The following DCAF13 variants were observed in gnomAD, a reference collection of about 807,000 sequenced individuals.
DCAF13 encodes the protein DDB1- and CUL4-associated factor 13.
Under a neutral mutation model 59.0 loss-of-function variants are expected in DCAF13, and 38 were observed. That is an observed-to-expected ratio of 0.64 (90% confidence interval 0.50 to 0.84). The LOEUF is 0.84. Ranked by LOEUF, DCAF13 falls within the 40% of genes least tolerant of loss-of-function variation. DCAF13 has a pLI of 0.00. For synonymous variants in DCAF13, 173 were observed against 175.0 expected (o/e 0.99, Z 0.09); for missense variants, 469 against 558.4 (o/e 0.84, Z 1.61).
chr8:103,436,954 C>T (rs989008246), intron 8 of DCAF13, among the ~76,000 whole-genome samples: 2 of 152,118 alleles, frequency 1.3e-5, no homozygotes, highest in East Asian at 3.8e-4. Context: ...TTTGAGGAAG[C>T]CATATGGATT....
rs17230038 is a variant in DCAF13 at position 103,442,253 on chromosome 8, A to G, written c.1251-542A>G. ...AAAATGTTTTAAAAAATAATTTCTG[A>G]TGTAGCTGGAATTAAGAGATTTTGT... On this transcript the variant is annotated intron_variant, in intron 10 of 10. Coordinates refer to ENST00000612750, the MANE Select transcript of DCAF13 (RefSeq NM_015420.7). 9.7e-3 allele frequency: 1,485 copies of G among 152,390 alleles called. 8 individuals are homozygous for G. Among genetic ancestry groups the G allele is most frequent in the Middle Eastern group, 0.017 (5 of 294 alleles). 9.4% of individuals were successfully genotyped at this position (152,390 alleles called of 1,614,324 possible).
In DCAF13 at chr8:103,437,922, A is replaced by G. The variant is rs566714938; in HGVS notation, c.950+2132A>G. ...GTGTTCACATGGAAAAATTAGTGTG[A>G]CTGTGTATATAAAGAATTTAAGCCT... On this transcript the variant is annotated intron_variant, in intron 8 of 10. Transcript: ENST00000612750. 1.6e-3 allele frequency among the ~76,000 whole-genome samples: 239 copies of G among 152,272 alleles called. 3 individuals are homozygous for G. The highest frequency in any genetic ancestry group is 5.3e-3 in the African/African-American group (219 of 41,560).
intron 1 of DCAF13, among the ~76,000 whole-genome samples, chr8:103,417,049 G>C (rs1291366814): frequency 6.6e-6 from 1 of 152,106 alleles, no homozygotes; most frequent in African/African-American, 2.4e-5. Context: ...TTATCATTTT[G>C]GGTATGCTTT....
intron 1 of DCAF13, 40 bp from the exon 2 acceptor site, chr8:103,420,224 A>G: frequency 1.3e-6 from 2 of 1,573,062 alleles, no homozygotes; most frequent in Non-Finnish European, 1.7e-6. Flanking sequence ...TGCAGGAAAT[A>G]TTAAGTGTGA....
chr8:103,439,076 C>T (rs1283922116), intron 8 of DCAF13, among the ~76,000 whole-genome samples: 4 of 152,040 alleles, frequency 2.6e-5, no homozygotes, highest in African/African-American at 4.8e-5. Context: ...AGCACGATCT[C>T]GGCTCACTGC....
intron 3 of DCAF13, among the ~76,000 whole-genome samples, chr8:103,422,565 A>G (rs779011580): frequency 1.3e-5 from 2 of 152,206 alleles, no homozygotes; most frequent in Non-Finnish European, 2.9e-5. Flanking sequence ...GAATAATGAA[A>G]AATGAAGACT....
chr8:103,419,262 G>T (rs570102401), intron 1 of DCAF13, among the ~76,000 whole-genome samples: 1 of 152,068 alleles, frequency 6.6e-6, no homozygotes, highest in Non-Finnish European at 1.5e-5. Flanking sequence ...GAGCCATACT[G>T]CCTTGGTTTG....
chr8:103,423,329 A>T (rs879553645), intron 3 of DCAF13, among the ~76,000 whole-genome samples: 42 of 151,132 alleles, frequency 2.8e-4, no homozygotes, highest in Non-Finnish European at 3.0e-4. Flanking sequence ...ATGAATTTTA[A>T]AAAAAAAAGT....
rs554237834 is a variant in DCAF13 at position 103,418,001 on chromosome 8, G to C, written c.71-2263G>C. On this transcript the variant is annotated intron_variant, in intron 1 of 10. Coordinates refer to ENST00000612750, the MANE Select transcript of DCAF13 (RefSeq NM_015420.7). ...AAATTAGCCGGGCATGGTGGCGGGT[G>C]CCTGTAGTCCCAGCTACTCGGGAGG... Among the ~76,000 whole-genome samples, 3 of 152,000 alleles carry C rather than the reference G, an allele frequency of 2.0e-5. No homozygotes were observed. In the East Asian group the frequency reaches 5.8e-4, roughly 30 times the overall value.
At chr8:103,423,705 A>G (rs1816752917) in intron 3 of DCAF13, among the ~76,000 whole-genome samples, 1 of 152,252 alleles carries the variant, frequency 6.6e-6, no homozygotes, top group African/African-American at 2.4e-5. Flanking sequence ...GTGAGGTAAC[A>G]GATATGTTAA....
intron 6 of DCAF13, 117 bp downstream of exon 6, chr8:103,430,806 A>G (rs879397951): frequency 3.0e-5 from 20 of 667,144 alleles, no homozygotes; most frequent in Non-Finnish European, 3.9e-5. Flanking sequence ...TCTTTTATAC[A>G]GGTGTTCTTA....
intron 8 of DCAF13, 80 bp downstream of exon 8, chr8:103,435,870 C>T (rs1009982578): frequency 1.8e-5 from 25 of 1,406,498 alleles, no homozygotes; most frequent in African/African-American, 1.7e-4. Flanking sequence ...AGTCATTGGG[C>T]GATTTCATCA....
At chr8:103,418,970 A>G (rs3134251) in intron 1 of DCAF13, among the ~76,000 whole-genome samples, 32,438 of 135,684 alleles carry the variant, frequency 0.24, 3,821 homozygotes, top group East Asian at 0.37. Flanking sequence ...TGCAACCTCC[A>G]CCTCCCAGGT....
chr8:103,420,531 T>G (rs1355834251), intron 2 of DCAF13, 68 bp downstream of exon 2: 1 of 1,486,622 alleles, frequency 6.7e-7, no homozygotes, highest in African/African-American at 1.4e-5. Flanking sequence ...CCCTTTAGTT[T>G]TTAGTTACTG....
At chr8:103,441,781 C>CAT in intron 10 of DCAF13, 163 bp downstream of exon 10, 1 of 511,092 alleles carries the variant, frequency 2.0e-6, no homozygotes, top group Non-Finnish European at 3.2e-6. Flanking sequence ...TTTCTTTTTT[C>CAT]TTTTTTTTTT....
At chr8:103,418,155 G>A (rs1816652510) in intron 1 of DCAF13, among the ~76,000 whole-genome samples, 1 of 151,834 alleles carries the variant, frequency 6.6e-6, no homozygotes, top group African/African-American at 2.4e-5. Context: ...AAAGACATCT[G>A]ATAATAGTGT....
chr8:103,438,535 T>C (rs1480972307), intron 8 of DCAF13, among the ~76,000 whole-genome samples: 7 of 150,848 alleles, frequency 4.6e-5, no homozygotes, highest in Non-Finnish European at 8.9e-5. Context: ...TCCTCCTACC[T>C]CAGACTCCTG....
At chr8:103,423,604 A>G (rs1273252834) in intron 3 of DCAF13, among the ~76,000 whole-genome samples, 1 of 152,200 alleles carries the variant, frequency 6.6e-6, no homozygotes, top group African/African-American at 2.4e-5. Flanking sequence ...TGGATGTTGT[A>G]CAACACTGTG....
chr8:103,441,682 CAA>C lies in DCAF13; in HGVS notation c.1250+66_1250+67del, dbSNP rs1018296487. The C allele has an allele frequency of 4.1e-6, 6 of 1,476,908 alleles. No homozygotes were observed. In the African/African-American group the frequency reaches 8.6e-5, roughly 21 times the overall value. The allele number at this position is 1,476,908 out of a possible 1,614,324, so 91.5% of individuals were successfully genotyped here. On this transcript the variant is annotated intron_variant, in intron 10 of 10. Transcript: ENST00000612750. ...ACTTCTGCTCTCATCTCACCAAAAA[CAA>C]AGTTAACTGCCATTCAAGGGAGTAG...
Sources: gnomAD v4.1 joint callset for allele counts (sites outside exome capture counted in the v4.1 genomes callset) on GRCh38, gnomAD v4.1.1 for gene constraint, MANE v1.5 for transcripts, NCBI Gene and HGNC (gene_info 2026-07-23, HGNC 2026-07-21) for gene names.